The following PTPRK variants were observed in gnomAD, a reference collection of about 807,000 sequenced individuals.
PTPRK encodes receptor-type tyrosine-protein phosphatase kappa.
PTPRK carries 75 observed loss-of-function variants against 178.0 expected under a neutral mutation model. The ratio of observed to expected loss-of-function variants is 0.42; its 90% CI spans 0.35 to 0.51. The LOEUF is 0.51. PTPRK is among the 20% of genes least tolerant of loss of function. The probability of loss-of-function intolerance (pLI) is 0.02; values close to 1 mark genes in which losing one functional copy is unlikely to be tolerated. For synonymous variants in PTPRK, 637 were observed against 620.6 expected (o/e 1.03, Z -0.39); for missense variants, 1,441 against 1,797.8 (o/e 0.80, Z 3.59).
chr6:128,325,309 C>A (rs1170011020), intron 2 of PTPRK, among the ~76,000 whole-genome samples: 1 of 151,788 alleles, frequency 6.6e-6, no homozygotes, highest in African/African-American at 2.4e-5. Context: ...GCAACAAAAC[C>A]CAAAATTGAC....
rs796080058 is a variant in PTPRK at position 128,505,160 on chromosome 6, G to A, written c.100+15099C>T. Among the ~76,000 whole-genome samples the A allele has an allele frequency of 2.7e-5, 4 of 148,780 alleles. No homozygotes were observed. In the East Asian group the frequency reaches 8.2e-4, roughly 30 times the overall value. On this transcript the variant is annotated intron_variant, in intron 1 of 29. Coordinates refer to ENST00000368226, the MANE Select transcript of PTPRK (RefSeq NM_002844.4). ...CACTCTGTCACCAGGCTGGAGTGCA[G>A]TGGCGAAATCTCGGCTCGCTGCAAC... is the stretch of plus-strand genomic sequence containing the variant.
intron 6 of PTPRK, among the ~76,000 whole-genome samples, chr6:128,194,064 A>ATAT (rs373236074): frequency 0.053 from 7,331 of 137,460 alleles, 199 homozygotes; most frequent in South Asian, 0.087. Context: ...ATTTATATAT[A>ATAT]TATTATTATT....
intron 13 of PTPRK, among the ~76,000 whole-genome samples, chr6:128,012,274 T>A (rs190222688): frequency 6.6e-6 from 1 of 151,424 alleles, no homozygotes; most frequent in Admixed American, 6.6e-5. Context: ...TTTTTTTAAG[T>A]ACTTGGCTTG....
At chr6:128,186,486 A>T (rs767649918) in intron 6 of PTPRK, among the ~76,000 whole-genome samples, 2 of 152,152 alleles carry the variant, frequency 1.3e-5, no homozygotes, top group African/African-American at 2.4e-5. Context: ...AAAGTGGTTA[A>T]CATATGATTT....
chr6:128,350,975 C>A (rs1428399615), intron 2 of PTPRK, among the ~76,000 whole-genome samples: 1 of 152,144 alleles, frequency 6.6e-6, no homozygotes, highest in Non-Finnish European at 1.5e-5. Flanking sequence ...AGCACCTCTA[C>A]AAACAAGTAT....
chr6:127,991,004 T>C, intron 20 of PTPRK, 119 bp from the exon 21 acceptor site: 1 of 679,086 alleles, frequency 1.5e-6, no homozygotes, highest in Non-Finnish European at 2.5e-6. Context: ...AATCTATAAA[T>C]GAGAAAAAAA....
rs372498158 is a variant in PTPRK at position 128,469,051 on chromosome 6, C to T, written c.100+51208G>A. Among the ~76,000 whole-genome samples the T allele has an allele frequency of 1.6e-4, 24 of 151,566 alleles. No individual in the cohort carries two copies. The East Asian group carries it at 2.1e-3, about 13-fold the overall frequency. On this transcript the variant is annotated intron_variant, in intron 1 of 29. Transcript: ENST00000368226. The stretch of plus-strand genomic sequence containing the variant: ...AAACGAAGTATTTAGGTGATAGCAA[C>T]GATAAATGTACTTTTCACATTTGTA...
At chr6:128,472,507 G>A (rs1197899381) in intron 1 of PTPRK, among the ~76,000 whole-genome samples, 2 of 147,980 alleles carry the variant, frequency 1.4e-5, no homozygotes, top group Middle Eastern at 3.5e-3. Context: ...GAAAAGTTGC[G>A]AGACTAACAC....
At chr6:128,474,628 A>G (rs992574922) in intron 1 of PTPRK, among the ~76,000 whole-genome samples, 2 of 152,102 alleles carry the variant, frequency 1.3e-5, no homozygotes, top group Non-Finnish European at 2.9e-5. Flanking sequence ...TTCTGCAACA[A>G]CTGAAAACTC....
At chr6:128,344,573 C>G (rs896459811) in intron 2 of PTPRK, among the ~76,000 whole-genome samples, 5 of 151,938 alleles carry the variant, frequency 3.3e-5, no homozygotes, top group African/African-American at 1.2e-4. Flanking sequence ...CCTGGCAGAT[C>G]ATGGCGATCA....
intron 1 of PTPRK, among the ~76,000 whole-genome samples, chr6:128,480,365 G>A (rs1851911977): frequency 6.6e-6 from 1 of 151,852 alleles, no homozygotes; most frequent in African/African-American, 2.4e-5. Flanking sequence ...GTAATCTTCA[G>A]TATTACTTTT....
At chr6:128,365,207 G>C (rs1835318155) in intron 2 of PTPRK, among the ~76,000 whole-genome samples, 2 of 152,132 alleles carry the variant, frequency 1.3e-5, no homozygotes, top group Admixed American at 1.3e-4. Context: ...TTGTAAACTT[G>C]TAAACATCAT....
chr6:128,208,399 G>C (rs1807373027), intron 6 of PTPRK, among the ~76,000 whole-genome samples: 1 of 151,800 alleles, frequency 6.6e-6, no homozygotes, highest in African/African-American at 2.4e-5. Context: ...ATTCTGAAGA[G>C]AAAGTAGAGA....
intron 1 of PTPRK, among the ~76,000 whole-genome samples, chr6:128,442,306 T>C (rs370498646): frequency 1.8e-4 from 27 of 152,158 alleles, no homozygotes; most frequent in Non-Finnish European, 3.4e-4. Flanking sequence ...CTTTTGCAGC[T>C]CCCTCTTTCA....
intron 7 of PTPRK, among the ~76,000 whole-genome samples, chr6:128,161,363 C>T (rs980273991): frequency 2.6e-5 from 4 of 151,500 alleles, no homozygotes; most frequent in African/African-American, 9.7e-5. Flanking sequence ...TTATCTTCAT[C>T]ACCCACAGGC....
chr6:127,971,511 T>C (rs1333047256), intron 29 of PTPRK, among the ~76,000 whole-genome samples: 2 of 152,044 alleles, frequency 1.3e-5, no homozygotes, highest in Non-Finnish European at 2.9e-5. Context: ...GAAATAGTTA[T>C]GTCTCTTTAA....
At chr6:128,327,981 C>T (rs372367502) in intron 2 of PTPRK, among the ~76,000 whole-genome samples, 1 of 152,160 alleles carries the variant, frequency 6.6e-6, no homozygotes, top group East Asian at 1.9e-4. Flanking sequence ...CTCCCTGCAG[C>T]AGAGTGGCAT....
intron 1 of PTPRK, among the ~76,000 whole-genome samples, chr6:128,402,446 T>C (rs1204465977): frequency 1.3e-5 from 2 of 152,068 alleles, no homozygotes; most frequent in Non-Finnish European, 2.9e-5. Flanking sequence ...AGAGACGGGG[T>C]TTCACCATGT....
At chr6:128,382,096 C>A (rs541149968) in intron 2 of PTPRK, among the ~76,000 whole-genome samples, 9 of 137,782 alleles carry the variant, frequency 6.5e-5, no homozygotes, top group Admixed American at 4.9e-4. Flanking sequence ...GGTGGGAGGA[C>A]TGCCATGACT....
Sources: allele counts gnomAD v4.1 joint callset (sites outside exome capture counted in the v4.1 genomes callset), GRCh38; gene constraint gnomAD v4.1.1; transcripts MANE v1.5; gene names NCBI Gene and HGNC (gene_info 2026-07-23, HGNC 2026-07-21).